Variants in LRMDA observed in about 807,000 individuals in gnomAD.
LRMDA encodes the protein leucine-rich melanocyte differentiation-associated protein.
LRMDA carries 18 observed loss-of-function variants against 29.8 expected under a neutral mutation model. The observed-to-expected ratio is 0.60, with a 90% CI of 0.42 to 0.90. The LOEUF (loss-of-function observed/expected upper bound fraction) is 0.90. Ranked by LOEUF, LRMDA falls within the 40% of genes least tolerant of loss-of-function variation. The pLI is 0.00. For missense variants in LRMDA, 273 were observed against 273.9 expected, an observed-to-expected ratio of 1.00 and a Z score of 0.02; for synonymous variants, 125 against 109.4, an observed-to-expected ratio of 1.14 and a Z score of -0.89.
rs192488215 is a variant in LRMDA at position 75,584,325 on chromosome 10, G to A, written c.131+145831G>A. Among the ~76,000 whole-genome samples the A allele has an allele frequency of 1.7e-3, 259 of 152,120 alleles. 1 individual carries two copies. The highest frequency in any genetic ancestry group is 2.5e-3 in the Non-Finnish European group (172 of 67,988). ...GTCTCCTTATTCTACCTCCCCCCTA[G>A]AAAAAACTGGCTTACGTGTTCCTCT... On this transcript the variant is annotated intron_variant, in intron 2 of 6. Coordinates refer to ENST00000611255, the MANE Select transcript of LRMDA (RefSeq NM_001305581.2).
intron 2 of LRMDA, among the ~76,000 whole-genome samples, chr10:75,524,578 G>A (rs1392711343): frequency 6.6e-6 from 1 of 152,154 alleles, no homozygotes; most frequent in Non-Finnish European, 1.5e-5. Flanking sequence ...GGTCACTGGG[G>A]TAGGAAATGA....
At chr10:76,045,651 CAT>C (rs955289890) in intron 3 of LRMDA, among the ~76,000 whole-genome samples, 16 of 152,104 alleles carry the variant, frequency 1.1e-4, no homozygotes, top group Non-Finnish European at 2.4e-4. Flanking sequence ...TTAAGGAAGA[CAT>C]GTGAGCTTCA....
intron 5 of LRMDA, among the ~76,000 whole-genome samples, chr10:76,087,470 T>C (rs1237765014): frequency 6.6e-6 from 1 of 152,184 alleles, no homozygotes; most frequent in Non-Finnish European, 1.5e-5. Context: ...ATGCTGGTAA[T>C]TATCCCAAGA....
intron 2 of LRMDA, among the ~76,000 whole-genome samples, chr10:75,733,960 G>T (rs577456168): frequency 6.6e-6 from 1 of 152,332 alleles, no homozygotes; most frequent in Admixed American, 6.5e-5. Flanking sequence ...TCTTTGAGAA[G>T]GAGGCTTCTC....
chr10:75,472,813 G>A (rs915273182), intron 2 of LRMDA, among the ~76,000 whole-genome samples: 3 of 152,234 alleles, frequency 2.0e-5, no homozygotes, highest in Admixed American at 1.3e-4. Flanking sequence ...CTAGAGCAAA[G>A]CCCTACATCT....
intron 2 of LRMDA, among the ~76,000 whole-genome samples, chr10:75,832,339 A>G (rs1248599073): frequency 6.6e-6 from 1 of 152,172 alleles, no homozygotes; most frequent in African/African-American, 2.4e-5. Flanking sequence ...CAGTCTCTTT[A>G]CTAAAACATA....
At chr10:75,940,807 G>C (rs568062121) in intron 2 of LRMDA, among the ~76,000 whole-genome samples, 3 of 152,130 alleles carry the variant, frequency 2.0e-5, no homozygotes, top group South Asian at 2.1e-4. Flanking sequence ...TGTGTGTTGA[G>C]GGGGTGTTTG....
chr10:75,458,350 T>A (rs1265408722), intron 2 of LRMDA, among the ~76,000 whole-genome samples: 2 of 152,194 alleles, frequency 1.3e-5, no homozygotes, highest in East Asian at 3.9e-4. Flanking sequence ...GGGGGTCTAC[T>A]TCCTGCCAGA....
chr10:75,659,821 C>T (rs1841726957), intron 2 of LRMDA, among the ~76,000 whole-genome samples: 2 of 151,964 alleles, frequency 1.3e-5, no homozygotes, highest in Non-Finnish European at 2.9e-5. Context: ...CTGTCACTTC[C>T]TTTCTTTCTT....
At chr10:75,569,126 C>A (rs1840406883) in intron 2 of LRMDA, among the ~76,000 whole-genome samples, 1 of 152,128 alleles carries the variant, frequency 6.6e-6, no homozygotes, top group African/African-American at 2.4e-5. Context: ...CTGGCATATG[C>A]CCACAACTCC....
chr10:75,747,563 C>T (rs11001491), intron 2 of LRMDA, among the ~76,000 whole-genome samples: 5,459 of 152,244 alleles, frequency 0.036, 249 homozygotes, highest in African/African-American at 0.11. Flanking sequence ...GTTGGTGAGA[C>T]CACTATCTTT....
At chr10:75,632,605 T>C (rs1285454456) in intron 2 of LRMDA, among the ~76,000 whole-genome samples, 2 of 152,006 alleles carry the variant, frequency 1.3e-5, no homozygotes, top group Non-Finnish European at 2.9e-5. Context: ...TATGCTAAAA[T>C]GTGCTGGGGA....
chr10:75,681,011 T>C (rs1342584239), intron 2 of LRMDA, among the ~76,000 whole-genome samples: 1 of 152,326 alleles, frequency 6.6e-6, no homozygotes, highest in East Asian at 1.9e-4. Context: ...ACGTTGTTAA[T>C]GAAATTGGAA....
chr10:76,290,332 G>A (rs1158191443), intron 5 of LRMDA, among the ~76,000 whole-genome samples: 2 of 151,450 alleles, frequency 1.3e-5, no homozygotes, highest in Middle Eastern at 3.2e-3. Context: ...GCATGGGTCT[G>A]CAGCAAGACT....
chr10:76,356,004 CT>C (rs1841235056), intron 6 of LRMDA, among the ~76,000 whole-genome samples: 1 of 152,118 alleles, frequency 6.6e-6, no homozygotes, highest in Non-Finnish European at 1.5e-5. Flanking sequence ...TTGCACTGAG[CT>C]TTGTTATTTG....
At chr10:76,433,268 T>A (rs1212215939) in intron 6 of LRMDA, among the ~76,000 whole-genome samples, 1 of 152,124 alleles carries the variant, frequency 6.6e-6, no homozygotes, top group Non-Finnish European at 1.5e-5. Context: ...TTCCATCCTG[T>A]CTCCTTGTTT....
chr10:75,902,091 C>A (rs866422391), intron 2 of LRMDA, among the ~76,000 whole-genome samples: 1 of 152,082 alleles, frequency 6.6e-6, no homozygotes, highest in African/African-American at 2.4e-5. Context: ...GCCCCACATT[C>A]CCCCCACAAG....
intron 3 of LRMDA, among the ~76,000 whole-genome samples, chr10:76,044,342 C>T (rs1196601189): frequency 6.6e-6 from 1 of 151,912 alleles, no homozygotes; most frequent in Non-Finnish European, 1.5e-5. Context: ...TGGAAGGGGA[C>T]TTAGGACATT....
chr10:76,235,283 C>T (rs781034670), intron 5 of LRMDA, among the ~76,000 whole-genome samples: 5 of 151,974 alleles, frequency 3.3e-5, no homozygotes, highest in Non-Finnish European at 1.5e-5. Context: ...ATTCATGGTA[C>T]CCCAAAACAA....
Sources: gnomAD v4.1 joint callset for allele counts (sites outside exome capture counted in the v4.1 genomes callset) on GRCh38, gnomAD v4.1.1 for gene constraint, MANE v1.5 for transcripts, NCBI Gene and HGNC (gene_info 2026-07-23, HGNC 2026-07-21) for gene names.